The following RBFOX1 variants were observed in gnomAD, a reference collection of about 807,000 sequenced individuals.
RBFOX1 encodes RNA binding protein fox-1 homolog 1.
A neutral mutation model predicts 57.7 loss-of-function variants in RBFOX1; 8 were observed. The ratio of observed to expected loss-of-function variants is 0.14; its 90% confidence interval spans 0.08 to 0.25. The LOEUF (loss-of-function observed/expected upper bound fraction) is 0.25. Among genes scored for constraint, RBFOX1 ranks in the 10% least tolerant of loss-of-function variants. The pLI is 1.00. For synonymous variants in RBFOX1, 326 were observed against 222.4 expected, an observed-to-expected ratio of 1.47 and a Z score of -4.15; for missense variants, 611 against 548.5, an observed-to-expected ratio of 1.11 and a Z score of -1.14.
At position 6,120,945 on chromosome 16, in the gene RBFOX1, C is replaced by G. The variant is rs184116768; in HGVS notation, c.-127+100953C>G. Among the ~76,000 whole-genome samples the G allele has an allele frequency of 1.9e-3, 286 of 152,304 alleles. 4 individuals are homozygous for G. The highest frequency in any genetic ancestry group is 6.8e-3 in the Middle Eastern group (2 of 294). On this transcript the variant is annotated intron_variant, in intron 1 of 15. Transcript: ENST00000550418. The stretch of plus-strand genomic sequence containing the variant: ...AGTCTGGGGCTGTTGTGTGAAACAG[C>G]TTGTTCTTCCTGCAGATTTATTTCT...
chr16:7,071,334 A>G (rs912036396), intron 4 of RBFOX1, among the ~76,000 whole-genome samples: 4 of 152,160 alleles, frequency 2.6e-5, no homozygotes, highest in African/African-American at 9.7e-5. Context: ...TAATGCCAGG[A>G]AAAAGAAAAT....
chr16:6,122,248 G>T (rs545141711), intron 1 of RBFOX1, among the ~76,000 whole-genome samples: 1 of 151,732 alleles, frequency 6.6e-6, no homozygotes, highest in Admixed American at 6.6e-5. Context: ...TTTAATTAAC[G>T]TCCTGATTGT....
chr16:6,969,162 A>C (rs2084955638), intron 3 of RBFOX1, among the ~76,000 whole-genome samples: 1 of 152,038 alleles, frequency 6.6e-6, no homozygotes, highest in Non-Finnish European at 1.5e-5. Context: ...CTGTCCCCAA[A>C]ATAGGTAACT....
chr16:7,200,978 A>T (rs1602832109), intron 4 of RBFOX1, among the ~76,000 whole-genome samples: 1 of 152,336 alleles, frequency 6.6e-6, no homozygotes, highest in African/African-American at 2.4e-5. Context: ...TGTATGGGAG[A>T]GAAAAATTAA....
chr16:6,666,781 G>A (rs1287957475), intron 3 of RBFOX1, among the ~76,000 whole-genome samples: 1 of 152,054 alleles, frequency 6.6e-6, no homozygotes, highest in Non-Finnish European at 1.5e-5. Context: ...CCACATAACA[G>A]GAAAAACCTT....
At chr16:6,712,213 G>C (rs955438129) in intron 3 of RBFOX1, among the ~76,000 whole-genome samples, 5 of 152,126 alleles carry the variant, frequency 3.3e-5, no homozygotes, top group South Asian at 2.1e-4. Context: ...TTCAGCTATG[G>C]TCAGCAAGGT....
intron 3 of RBFOX1, among the ~76,000 whole-genome samples, chr16:6,782,589 A>C (rs1454605436): frequency 6.6e-6 from 1 of 152,132 alleles, no homozygotes; most frequent in East Asian, 1.9e-4. Context: ...TGGTCAGAAA[A>C]GATACCTGCT....
chr16:6,361,628 T>TTAAAAA, intron 2 of RBFOX1, among the ~76,000 whole-genome samples: 1 of 127,952 alleles, frequency 7.8e-6, no homozygotes, highest in East Asian at 2.2e-4. Context: ...ACTCTGTCTC[T>TTAAAAA]AAAAAAAAAA....
At chr16:5,637,269 G>C (rs1027453740) in intron 3 of RBFOX1, among the ~76,000 whole-genome samples, 1 of 152,184 alleles carries the variant, frequency 6.6e-6, no homozygotes, top group Admixed American at 6.5e-5. Context: ...ATCGTACAAG[G>C]TGGGAAAATG....
At chr16:7,272,307 C>T (rs2095338295) in intron 4 of RBFOX1, among the ~76,000 whole-genome samples, 2 of 152,086 alleles carry the variant, frequency 1.3e-5, no homozygotes, top group South Asian at 2.1e-4. Flanking sequence ...GCCTCGGCCT[C>T]CCAAGTAGCT....
chr16:6,433,074 A>T (rs1172268468), intron 2 of RBFOX1, among the ~76,000 whole-genome samples: 1 of 152,234 alleles, frequency 6.6e-6, no homozygotes, highest in East Asian at 1.9e-4. Context: ...ATTTGGGAAC[A>T]GAGAGAAAGT....
At chr16:7,212,404 G>T (rs964044064) in intron 4 of RBFOX1, among the ~76,000 whole-genome samples, 1 of 152,122 alleles carries the variant, frequency 6.6e-6, no homozygotes, top group African/African-American at 2.4e-5. Flanking sequence ...TGTGTTATTA[G>T]CAACCCCTCT....
intron 5 of RBFOX1, among the ~76,000 whole-genome samples, chr16:7,522,057 G>T (rs1268683623): frequency 6.6e-6 from 1 of 152,206 alleles, no homozygotes; most frequent in East Asian, 1.9e-4. Flanking sequence ...TCATTCAGTG[G>T]CTGAGGCTGG....
intron 2 of RBFOX1, among the ~76,000 whole-genome samples, chr16:5,552,864 G>C (rs1025261354): frequency 1.3e-5 from 2 of 152,004 alleles, no homozygotes; most frequent in Non-Finnish European, 2.9e-5. Flanking sequence ...GAGAAGGTCA[G>C]CATGTTCCCA....
chr16:7,271,976 C>G (rs2095329036), intron 4 of RBFOX1, among the ~76,000 whole-genome samples: 1 of 152,184 alleles, frequency 6.6e-6, no homozygotes, highest in Non-Finnish European at 1.5e-5. Flanking sequence ...CTATTCCCCT[C>G]TTGTTACTCG....
intron 3 of RBFOX1, among the ~76,000 whole-genome samples, chr16:6,882,468 C>A (rs1264365126): frequency 2.0e-5 from 3 of 152,064 alleles, no homozygotes; most frequent in Admixed American, 1.3e-4. Context: ...GTGGTACGTG[C>A]TTGTAATCCC....
chr16:5,866,934 GA>G, intron 3 of RBFOX1, among the ~76,000 whole-genome samples: 2 of 152,158 alleles, frequency 1.3e-5, no homozygotes, highest in South Asian at 2.1e-4. Context: ...TTAAGGGAAG[GA>G]AAAAAACACA....
At chr16:6,047,137 GA>G (rs1429494135) in intron 1 of RBFOX1, among the ~76,000 whole-genome samples, 1 of 152,124 alleles carries the variant, frequency 6.6e-6, no homozygotes, top group Non-Finnish European at 1.5e-5. Context: ...TGAGGGGCAG[GA>G]AAAAATGGAC....
intron 4 of RBFOX1, among the ~76,000 whole-genome samples, chr16:7,296,994 G>A (rs551675409): frequency 1.5e-4 from 23 of 152,312 alleles, no homozygotes; most frequent in African/African-American, 5.5e-4. Context: ...AGAACCTCAT[G>A]TCAGGGGAAG....
Sources: gnomAD v4.1 joint callset for allele counts (sites outside exome capture counted in the v4.1 genomes callset) on GRCh38, gnomAD v4.1.1 for gene constraint, MANE v1.5 for transcripts, NCBI Gene and HGNC (gene_info 2026-07-23, HGNC 2026-07-21) for gene names.